Variants in MGMT observed in about 807,000 individuals in gnomAD.
MGMT encodes methylated-DNA--protein-cysteine methyltransferase.
Under a neutral mutation model 15.9 loss-of-function variants are expected in MGMT, and 14 were observed. The observed-to-expected ratio is 0.88, with a 90% CI of 0.58 to 1.37. The LOEUF (loss-of-function observed/expected upper bound fraction) is 1.37, where lower values mean the gene tolerates loss of function less well. Among genes scored for constraint, MGMT ranks in the 40% most tolerant of loss-of-function variants. The probability of loss-of-function intolerance (pLI) is 0.00; values close to 1 mark genes in which losing one functional copy is unlikely to be tolerated. For missense variants in MGMT, 282 were observed against 268.1 expected, an observed-to-expected ratio of 1.05 and a Z score of -0.36; for synonymous variants, 130 against 118.2, an observed-to-expected ratio of 1.10 and a Z score of -0.65.
intron 2 of MGMT, among the ~76,000 whole-genome samples, chr10:129,626,501 C>T (rs562567525): frequency 5.3e-5 from 8 of 152,256 alleles, no homozygotes; most frequent in Non-Finnish European, 1.2e-4. Flanking sequence ...GGCTCCAGCC[C>T]GAGCCCCGCG....
intron 2 of MGMT, among the ~76,000 whole-genome samples, chr10:129,622,472 G>A (rs1222459066): frequency 1.3e-5 from 2 of 152,154 alleles, no homozygotes; most frequent in East Asian, 1.9e-4. Flanking sequence ...TAGTTTACAC[G>A]GTATTGAATC....
At chr10:129,541,134 C>T (rs1846038359) in intron 2 of MGMT, among the ~76,000 whole-genome samples, 2 of 152,244 alleles carry the variant, frequency 1.3e-5, no homozygotes, top group African/African-American at 2.4e-5. Flanking sequence ...GTGTGATTCC[C>T]GCTCCCCAGG....
At chr10:129,486,409 G>A (rs1048533194) in intron 1 of MGMT, among the ~76,000 whole-genome samples, 6 of 151,948 alleles carry the variant, frequency 3.9e-5, no homozygotes, top group African/African-American at 1.2e-4. Flanking sequence ...GGCTATTCTC[G>A]AACTCTTGAC....
chr10:129,716,284 C>T (rs114752371), intron 3 of MGMT, among the ~76,000 whole-genome samples: 3,954 of 152,270 alleles, frequency 0.026, 190 homozygotes, highest in African/African-American at 0.089. Context: ...CCACCCTCTC[C>T]GCCAGTAAAT....
intron 2 of MGMT, among the ~76,000 whole-genome samples, chr10:129,658,901 A>G (rs1229197214): frequency 6.6e-6 from 1 of 152,126 alleles, no homozygotes; most frequent in East Asian, 1.9e-4. Flanking sequence ...AAGCTGTAGC[A>G]TTCAAGGCCT....
chr10:129,610,250 C>T (rs117957427), intron 2 of MGMT, among the ~76,000 whole-genome samples: 4,004 of 152,218 alleles, frequency 0.026, 81 homozygotes, highest in South Asian at 0.064. Context: ...TATTCTTTGG[C>T]GGTATCACTG....
intron 1 of MGMT, among the ~76,000 whole-genome samples, chr10:129,498,554 T>C (rs1421634702): frequency 6.6e-6 from 1 of 152,246 alleles, no homozygotes. Flanking sequence ...ATATTTATTT[T>C]AATTTCTGGG....
chr10:129,578,269 A>C (rs1022564879), intron 2 of MGMT, among the ~76,000 whole-genome samples: 7 of 152,124 alleles, frequency 4.6e-5, no homozygotes, highest in East Asian at 1.9e-4. Flanking sequence ...AATAGCAAAA[A>C]CTCGGAACCA....
intron 3 of MGMT, among the ~76,000 whole-genome samples, chr10:129,756,748 G>A (rs971850921): frequency 6.6e-6 from 1 of 152,204 alleles, no homozygotes; most frequent in Non-Finnish European, 1.5e-5. Flanking sequence ...GATTACAGGC[G>A]TGAGCCACCG....
intron 1 of MGMT, among the ~76,000 whole-genome samples, chr10:129,523,059 A>AT (rs1845830484): frequency 2.0e-5 from 3 of 152,250 alleles, no homozygotes; most frequent in Admixed American, 2.0e-4. Flanking sequence ...GTGACATTTC[A>AT]TTTTGAACAC....
chr10:129,716,336 T>C (rs1471616637), intron 3 of MGMT, among the ~76,000 whole-genome samples: 3 of 152,158 alleles, frequency 2.0e-5, no homozygotes, highest in Non-Finnish European at 4.4e-5. Context: ...CTTTTTTTTC[T>C]TGAGTACTGT....
At chr10:129,722,044 G>A (rs1350402113) in intron 3 of MGMT, among the ~76,000 whole-genome samples, 1 of 151,638 alleles carries the variant, frequency 6.6e-6, no homozygotes, top group Non-Finnish European at 1.5e-5. Context: ...GTAAAATGAT[G>A]ACAGAGTCCT....
intron 2 of MGMT, among the ~76,000 whole-genome samples, chr10:129,635,078 C>A (rs1040830840): frequency 6.6e-6 from 1 of 152,148 alleles, no homozygotes; most frequent in African/African-American, 2.4e-5. Context: ...CAGCTCGCCC[C>A]GGATGGTCTG....
At chr10:129,502,722 G>A (rs2119680065) in intron 1 of MGMT, among the ~76,000 whole-genome samples, 2 of 152,170 alleles carry the variant, frequency 1.3e-5, no homozygotes, top group South Asian at 2.1e-4. Context: ...ATTAACTTAG[G>A]GGAAACCACA....
chr10:129,514,324 A>T (rs1000860642), intron 1 of MGMT, among the ~76,000 whole-genome samples: 1 of 152,240 alleles, frequency 6.6e-6, no homozygotes, highest in Admixed American at 6.5e-5. Flanking sequence ...CCAAGGAAGA[A>T]CAATGCACAA....
chr10:129,763,934 A>G (rs1848903488), intron 4 of MGMT, among the ~76,000 whole-genome samples: 1 of 152,204 alleles, frequency 6.6e-6, no homozygotes, highest in African/African-American at 2.4e-5. Flanking sequence ...TTCCCATGTC[A>G]TAGTCGTCAG....
intron 2 of MGMT, among the ~76,000 whole-genome samples, chr10:129,640,072 T>A (rs112419304): frequency 0.046 from 7,026 of 151,738 alleles, 192 homozygotes; most frequent in Middle Eastern, 0.085. Context: ...TACCCATATG[T>A]TTGACTGCTT....
chr10:129,612,996 G>A (rs565451249), intron 2 of MGMT, among the ~76,000 whole-genome samples: 4 of 152,156 alleles, frequency 2.6e-5, no homozygotes, highest in South Asian at 2.1e-4. Flanking sequence ...TGTTATAGCC[G>A]AGTTCAGACC....
At chr10:129,551,464 G>A (rs1357898153) in intron 2 of MGMT, among the ~76,000 whole-genome samples, 1 of 152,134 alleles carries the variant, frequency 6.6e-6, no homozygotes, top group African/African-American at 2.4e-5. Flanking sequence ...AAGAGCATCA[G>A]CTGCCGCAGG....
Sources: allele counts gnomAD v4.1 joint callset (sites outside exome capture counted in the v4.1 genomes callset), GRCh38; gene constraint gnomAD v4.1.1; transcripts MANE v1.5; gene names NCBI Gene and HGNC (gene_info 2026-07-23, HGNC 2026-07-21).